ERCC8: variants seen among roughly 807,000 people sequenced by gnomAD.
ERCC8 encodes the protein ERCC excision repair 8, CSA ubiquitin ligase complex subunit.
Under a neutral mutation model 54.9 loss-of-function variants are expected in ERCC8, and 52 were observed. The observed-to-expected ratio is 0.95, with a 90% confidence interval of 0.76 to 1.19. The LOEUF is 1.19. Ranked by LOEUF, ERCC8 falls within the 50% of genes most tolerant of loss-of-function variation. The pLI is 0.00. For missense variants in ERCC8, 514 were observed against 466.1 expected (o/e 1.10, Z -0.95); for synonymous variants, 146 against 157.2 (o/e 0.93, Z 0.53).
chr5:60,902,589 T>C, intron 6 of ERCC8, 81 bp from the exon 7 acceptor site: 1 of 1,138,348 alleles, frequency 8.8e-7, no homozygotes, highest in Non-Finnish European at 1.3e-6. Context: ...TGCCTGATTC[T>C]GAAGAAAGTG....
chr5:60,901,893 T>C (rs1748914035), intron 7 of ERCC8, among the ~76,000 whole-genome samples: 1 of 152,086 alleles, frequency 6.6e-6, no homozygotes, highest in African/African-American at 2.4e-5. Context: ...TCCTGCTTTC[T>C]TTTCCTATAT....
At chr5:60,883,494 C>T (rs1444566407) in intron 11 of ERCC8, among the ~76,000 whole-genome samples, 2 of 152,098 alleles carry the variant, frequency 1.3e-5, no homozygotes, top group African/African-American at 4.8e-5. Flanking sequence ...CAGATAGTGT[C>T]AATGTTATAG....
At chr5:60,939,576 C>T (rs756396607) in intron 1 of ERCC8, among the ~76,000 whole-genome samples, 3 of 152,128 alleles carry the variant, frequency 2.0e-5, no homozygotes, top group Non-Finnish European at 4.4e-5. Context: ...TTCACTGCAA[C>T]CTCCACCAAG....
At position 60,944,944 on chromosome 5, in the gene ERCC8, T is replaced by C. The variant is rs1750391384; in HGVS notation, c.65A>G (p.Glu22Gly). 6.2e-7 allele frequency: 1 copy of C among 1,613,832 alleles called. No individual in the cohort carries two copies. The highest frequency in any genetic ancestry group is 8.5e-7 in the Non-Finnish European group (1 of 1,179,750). The change falls in exon 1 of 12, where the codon GAG (glutamate) becomes GGG (glycine). Residue 22 changes from glutamate to glycine, a missense_variant. Physicochemically the swap from Glu to Gly is moderately conservative, Grantham distance 98. Transcript: ENST00000676185. Reference protein sequence around the residue: ...LEDPLRLRRAESTRRVLGLEL... With the variant: ...LEDPLRLRRAGSTRRVLGLEL... ...AGGTTTTCTTTACCTCCGTGTTGAC[T>C]CTGCTCTCCGAAGGCGAAGAGGGTC...
At chr5:60,918,132 G>A in intron 4 of ERCC8, 133 bp downstream of exon 4, 2 of 722,078 alleles carry the variant, frequency 2.8e-6, no homozygotes, top group Non-Finnish European at 4.8e-6. Context: ...AAGTAGTCTA[G>A]CTCTTCTTAA....
chr5:60,891,002 CA>C lies in ERCC8; in HGVS notation c.927del (p.Phe309LeufsTer19). Reference sequence around the variant, plus strand: ...ACAGCAATGGTGCTACCATATGGTACAAAAACAAATTCTGAACTGCAGCCAC... The same window carrying C: ...ACAGCAATGGTGCTACCATATGGTACAAAACAAATTCTGAACTGCAGCCAC... The part of the protein sequence containing the change: ...VSCGCSSEFV[F>X]VPYGSTIAVY... On this transcript the variant is annotated frameshift_variant, in exon 10 of 12. Coordinates refer to ENST00000676185, the MANE Select transcript of ERCC8 (RefSeq NM_000082.4). LOFTEE classifies it high-confidence loss of function. 6.2e-7 allele frequency: 1 copy of C among 1,613,464 alleles called. No homozygotes were observed. Among genetic ancestry groups the C allele is most frequent in the African/African-American group, 1.3e-5 (1 of 75,012 alleles).
intron 7 of ERCC8, among the ~76,000 whole-genome samples, chr5:60,901,836 A>G (rs1476925253): frequency 1.3e-5 from 2 of 151,970 alleles, no homozygotes; most frequent in African/African-American, 4.8e-5. Context: ...TTTCTCCAGC[A>G]AAAAATAAAC....
intron 1 of ERCC8, among the ~76,000 whole-genome samples, chr5:60,937,883 T>A (rs1475270754): frequency 6.6e-6 from 1 of 152,038 alleles, no homozygotes; most frequent in African/African-American, 2.4e-5. Context: ...TACACTGCTC[T>A]GTCCATCTGA....
chr5:60,924,540 G>A (rs1016162617), intron 2 of ERCC8: 1 of 154,444 alleles, frequency 6.5e-6, no homozygotes, highest in Non-Finnish European at 1.5e-5. Context: ...TCAAAGTCTA[G>A]TGACAATATA....
At chr5:60,926,231 G>GT (rs1258219710) in intron 2 of ERCC8, among the ~76,000 whole-genome samples, 1 of 152,218 alleles carries the variant, frequency 6.6e-6, no homozygotes, top group African/African-American at 2.4e-5. Flanking sequence ...ACAATTAAAT[G>GT]TAGAGGCAGT....
chr5:60,915,051 T>C (rs1476970218), intron 4 of ERCC8: 1 of 152,080 alleles, frequency 6.6e-6, no homozygotes, highest in Non-Finnish European at 1.5e-5. Flanking sequence ...ATTTTCCATA[T>C]AATGTCCTTG....
Position 60,898,557 on chromosome 5 carries a change from G to C in ERCC8, c.719-157C>G, listed in dbSNP as rs185824907. 4.1e-4 allele frequency among the ~76,000 whole-genome samples: 62 copies of C among 150,754 alleles called. No homozygotes were observed. In the East Asian group the frequency reaches 0.011, roughly 26 times the overall value. On this transcript the variant is annotated intron_variant, in intron 8 of 11. Transcript: ENST00000676185. The stretch of plus-strand genomic sequence containing the variant: ...CCAACCCTTCAGATTATTTGAATAG[G>C]ATAAGCTATATAAATCAGAACCATA...
At chr5:60,890,852 GCT>G (rs1284468512) in intron 10 of ERCC8, 35 bp downstream of exon 10, 1 of 1,483,232 alleles carries the variant, frequency 6.7e-7, no homozygotes, top group South Asian at 1.1e-5. Flanking sequence ...TGGCAAGCTA[GCT>G]AGCTGAACAT....
intron 6 of ERCC8, 59 bp downstream of exon 6, chr5:60,903,589 T>A: frequency 6.2e-7 from 1 of 1,607,238 alleles, no homozygotes. Flanking sequence ...GTTAGTAACG[T>A]TTCTTTTTAT....
chr5:60,942,146 T>C (rs1750277635), intron 1 of ERCC8, among the ~76,000 whole-genome samples: 1 of 152,100 alleles, frequency 6.6e-6, no homozygotes, highest in African/African-American at 2.4e-5. Flanking sequence ...GAATACTAAA[T>C]AATGTTCAAA....
At chr5:60,878,053 C>T (rs1043938954) in intron 11 of ERCC8, among the ~76,000 whole-genome samples, 2 of 152,124 alleles carry the variant, frequency 1.3e-5, no homozygotes, top group Non-Finnish European at 2.9e-5. Context: ...CCCATCAATA[C>T]CTAATTTATT....
At chr5:60,878,582 T>C (rs941713759) in intron 11 of ERCC8, among the ~76,000 whole-genome samples, 2 of 152,212 alleles carry the variant, frequency 1.3e-5, no homozygotes, top group African/African-American at 4.8e-5. Context: ...ATTCAACTTC[T>C]TCCTCGTTTA....
chr5:60,879,945 A>G (rs1748152671), intron 11 of ERCC8, among the ~76,000 whole-genome samples: 1 of 152,178 alleles, frequency 6.6e-6, no homozygotes, highest in Admixed American at 6.5e-5. Context: ...TAGTTGATGC[A>G]GTTTCTTCCT....
At chr5:60,880,049 A>G (rs1303164777) in intron 11 of ERCC8, among the ~76,000 whole-genome samples, 1 of 152,094 alleles carries the variant, frequency 6.6e-6, no homozygotes, top group African/African-American at 2.4e-5. Context: ...GAGCTCTTTT[A>G]GGGCAGGCCT....
Sources: gnomAD v4.1 joint callset for allele counts (sites outside exome capture counted in the v4.1 genomes callset) on GRCh38, gnomAD v4.1.1 for gene constraint, MANE v1.5 for transcripts, NCBI Gene and HGNC (gene_info 2026-07-23, HGNC 2026-07-21) for gene names.